The following ABCA12 variants were observed in gnomAD, a reference collection of about 807,000 sequenced individuals.
The protein encoded by ABCA12 is ATP binding cassette subfamily A member 12.
ABCA12 carries 156 observed loss-of-function variants against 293.5 expected under a neutral mutation model. That is an observed-to-expected ratio of 0.53 (90% CI 0.47 to 0.61). ABCA12 has a LOEUF of 0.61. ABCA12 is among the 20% of genes least tolerant of loss of function. The pLI, the probability that ABCA12 is intolerant of heterozygous loss-of-function variation, is 0.00. For synonymous variants in ABCA12, 1,063 were observed against 1,108.0 expected, an observed-to-expected ratio of 0.96 and a Z score of 0.81; for missense variants, 2,797 against 3,090.2, an observed-to-expected ratio of 0.91 and a Z score of 2.25.
intron 39 of ABCA12, among the ~76,000 whole-genome samples, chr2:214,964,155 C>T (rs1025783331): frequency 3.9e-5 from 6 of 152,026 alleles, no homozygotes; most frequent in South Asian, 4.1e-4. Context: ...TCCATAGACG[C>T]GGATAAGGCA....
intron 47 of ABCA12, chr2:214,947,790 C>G (rs934332034): frequency 7.6e-5 from 40 of 526,098 alleles, no homozygotes; most frequent in Non-Finnish European, 1.3e-4. Context: ...GGATTCCCTC[C>G]CCCACCAAAC....
chr2:215,027,169 C>A (rs1700766157), intron 9 of ABCA12, among the ~76,000 whole-genome samples: 1 of 151,964 alleles, frequency 6.6e-6, no homozygotes, highest in Non-Finnish European at 1.5e-5. Context: ...ACAGTGTAAA[C>A]CTCGTCTCCA....
intron 31 of ABCA12, among the ~76,000 whole-genome samples, 183 bp from the exon 32 acceptor site, chr2:214,979,223 C>T (rs1487917255): frequency 1.3e-5 from 2 of 152,078 alleles, no homozygotes; most frequent in Non-Finnish European, 2.9e-5. Flanking sequence ...CCCATTCTCC[C>T]ATGTCACGCT....
intron 18 of ABCA12, among the ~76,000 whole-genome samples, chr2:215,009,403 C>A (rs191094664): frequency 2.0e-5 from 3 of 152,134 alleles, no homozygotes; most frequent in African/African-American, 7.2e-5. Flanking sequence ...AGCAAACCCC[C>A]ATGACAGAAG....
intron 2 of ABCA12, among the ~76,000 whole-genome samples, chr2:215,067,600 T>G (rs767841044): frequency 6.6e-6 from 1 of 152,090 alleles, no homozygotes; most frequent in Non-Finnish European, 1.5e-5. Context: ...AGGGTCGAAT[T>G]CAGAAGATGT....
At position 214,975,244 on chromosome 2, in the gene ABCA12, G is replaced by A. The variant is rs146250365; in HGVS notation, c.5382-380C>T. On this transcript the variant is annotated intron_variant, in intron 34 of 52. Coordinates refer to ENST00000272895, the MANE Select transcript of ABCA12 (RefSeq NM_173076.3). ...CTCCCAAGGTTCTAGGATTACAGGC[G>A]TGAGCCACGGCACTCAGCCTAGGAC... Among the ~76,000 whole-genome samples the A allele has an allele frequency of 6.6e-4, 101 of 152,268 alleles. 2 individuals carry two copies. In the East Asian group the frequency reaches 0.018, roughly 27 times the overall value.
chr2:215,104,218 G>A (rs1230357582), intron 2 of ABCA12, among the ~76,000 whole-genome samples: 1 of 151,994 alleles, frequency 6.6e-6, no homozygotes, highest in Non-Finnish European at 1.5e-5. Context: ...CACAATGTGG[G>A]GATGATACAG....
intron 2 of ABCA12, among the ~76,000 whole-genome samples, chr2:215,105,607 A>G (rs993758743): frequency 6.6e-6 from 1 of 151,532 alleles, no homozygotes; most frequent in Non-Finnish European, 1.5e-5. Flanking sequence ...ACACGCACAC[A>G]CACACACACA....
In ABCA12 at chr2:215,030,583, G is replaced by A. The variant is rs1289685349; in HGVS notation, c.1061+1238C>T. Among the ~76,000 whole-genome samples, 4 of 143,870 alleles carry A rather than the reference G, an allele frequency of 2.8e-5. No individual in the cohort carries two copies. The South Asian group carries it at 7.0e-4, about 25-fold the overall frequency. 94.4% of individuals were successfully genotyped at this position (143,870 alleles called of 152,430 possible). A position where few individuals can be genotyped will look rare whatever the true frequency, so the allele number is the denominator to read the frequency against. On this transcript the variant is annotated intron_variant, in intron 9 of 52. Transcript: ENST00000272895. ...GGCGCCACTGCACTCCAGCCTGGGC[G>A]ACAGAGCCAGACTCCATCTCAAAAA...
Position 215,011,159 on chromosome 2 carries a change from T to A in ABCA12, c.2332+280A>T, listed in dbSNP as rs143484667. 6.2e-3 allele frequency among the ~76,000 whole-genome samples: 943 copies of A among 152,268 alleles called. 10 individuals carry two copies. Among genetic ancestry groups the A allele is most frequent in the African/African-American group, 0.021 (886 of 41,556 alleles). On this transcript the variant is annotated intron_variant, in intron 17 of 52. Transcript: ENST00000272895. ...TGTAGTATTGTAGTTAAGAGGATAG[T>A]CTTTGTAGCAGAGTACCTGGGTTCA...
At chr2:215,123,596 T>A (rs1702854659) in intron 1 of ABCA12, among the ~76,000 whole-genome samples, 1 of 152,188 alleles carries the variant, frequency 6.6e-6, no homozygotes, top group South Asian at 2.1e-4. Flanking sequence ...TACACAGTAG[T>A]GAGATTGCTG....
chr2:215,116,327 G>A (rs964718015), intron 1 of ABCA12, among the ~76,000 whole-genome samples: 1 of 152,084 alleles, frequency 6.6e-6, no homozygotes, highest in Non-Finnish European at 1.5e-5. Context: ...TGCTAGTGGG[G>A]TCTCAATATT....
chr2:214,938,520 T>G (rs1487667080), intron 50 of ABCA12, among the ~76,000 whole-genome samples: 1 of 152,134 alleles, frequency 6.6e-6, no homozygotes, highest in Admixed American at 6.6e-5. Flanking sequence ...TCTGGTTCTA[T>G]ATCCTTGAGG....
intron 2 of ABCA12, among the ~76,000 whole-genome samples, chr2:215,069,321 C>T (rs1575023087): frequency 6.6e-6 from 1 of 151,780 alleles, no homozygotes; most frequent in African/African-American, 2.4e-5. Flanking sequence ...TTGTCAAGCA[C>T]CACAACAGGG....
At chr2:215,022,017 T>C (rs1315429088) in intron 11 of ABCA12, 1 of 152,154 alleles carries the variant, frequency 6.6e-6, no homozygotes, top group Non-Finnish European at 1.5e-5. Flanking sequence ...TTTCTTTTGA[T>C]TTTCCAGCTA....
In ABCA12 at chr2:215,138,133, A is replaced by T. The variant is rs1703271506; in HGVS notation, c.69+7T>A. 6.2e-6 allele frequency: 10 copies of T among 1,613,594 alleles called. No individual in the cohort carries two copies. The African/African-American group carries it at 8.0e-5, about 13-fold the overall frequency. On this transcript the variant is annotated splice_region_variant and intron_variant, in intron 1 of 52. Transcript: ENST00000272895. ...GACCCATACTCCCACACTTTTTTTT[A>T]ACTCACCGGCTGCCTTTTTACACCT...
At chr2:214,990,355 A>G (rs1340805065) in intron 24 of ABCA12, among the ~76,000 whole-genome samples, 1 of 152,212 alleles carries the variant, frequency 6.6e-6, no homozygotes, top group African/African-American at 2.4e-5. Context: ...TTGTTCACAT[A>G]TGAGAATAAT....
At position 214,944,065 on chromosome 2, in the gene ABCA12, G is replaced by A. The variant is rs368396120; in HGVS notation, c.7343+936C>T. ...TGTCTGCTTTGTGGAGGAGAGGTAT[G>A]TGAGCTGGTTCTGGAAGGACTGGTA... On this transcript the variant is annotated intron_variant, in intron 49 of 52. Coordinates refer to ENST00000272895, the MANE Select transcript of ABCA12 (RefSeq NM_173076.3). Among the ~76,000 whole-genome samples, 12 of 152,306 alleles carry A rather than the reference G, an allele frequency of 7.9e-5. No individual in the cohort carries two copies. The East Asian group carries it at 1.5e-3, about 20-fold the overall frequency.
At chr2:215,059,494 C>A (rs1406653429) in intron 3 of ABCA12, among the ~76,000 whole-genome samples, 1 of 151,952 alleles carries the variant, frequency 6.6e-6, no homozygotes, top group Non-Finnish European at 1.5e-5. Flanking sequence ...AGTTACAATC[C>A]AACAATCCAT....
Sources: gnomAD v4.1 joint callset for allele counts (sites outside exome capture counted in the v4.1 genomes callset) on GRCh38, gnomAD v4.1.1 for gene constraint, MANE v1.5 for transcripts, NCBI Gene and HGNC (gene_info 2026-07-23, HGNC 2026-07-21) for gene names.